Variants in HDAC5 observed in about 807,000 individuals in gnomAD.
HDAC5 encodes histone deacetylase 5, also known as antigen NY-CO-9.
In HDAC5, 25 loss-of-function variants were observed where a neutral mutation model predicts 133.3. That is an observed-to-expected ratio of 0.19 (90% confidence interval 0.14 to 0.26). The LOEUF is 0.26. HDAC5 is among the 10% of genes least tolerant of loss of function. The pLI is 1.00. For synonymous variants in HDAC5, 589 were observed against 610.8 expected (o/e 0.96, Z 0.53); for missense variants, 1,041 against 1,460.5 (o/e 0.71, Z 4.68).
At chr17:44,107,331 G>A (rs1214705482) in intron 3 of HDAC5, among the ~76,000 whole-genome samples, 2 of 152,198 alleles carry the variant, frequency 1.3e-5, no homozygotes, top group East Asian at 3.9e-4. Context: ...GGCAAGGGCC[G>A]GGCGTGGTGG....
chr17:44,105,722 C>T (rs1044725067), intron 3 of HDAC5, among the ~76,000 whole-genome samples: 2 of 152,202 alleles, frequency 1.3e-5, no homozygotes, highest in East Asian at 1.9e-4. Context: ...GAGTTGGATT[C>T]ACCTCTTTCT....
chr17:44,120,806 T>C (rs2052944695), intron 1 of HDAC5, among the ~76,000 whole-genome samples: 1 of 150,864 alleles, frequency 6.6e-6, no homozygotes, highest in Admixed American at 6.6e-5. Flanking sequence ...TAGGAATTTA[T>C]CTTGACCCCT....
At chr17:44,088,970 C>T (rs1597956118) in intron 11 of HDAC5, among the ~76,000 whole-genome samples, 4 of 152,116 alleles carry the variant, frequency 2.6e-5, no homozygotes, top group South Asian at 4.2e-4. Context: ...CCGTGGATCC[C>T]GCCAGGCTAG....
chr17:44,091,943 C>A, intron 9 of HDAC5, 112 bp from the exon 10 acceptor site: 1 of 1,287,710 alleles, frequency 7.8e-7, no homozygotes, highest in East Asian at 2.4e-5. Flanking sequence ...TTCCCTCTAC[C>A]CTGAGCTCCC....
intron 14 of HDAC5, 43 bp from the exon 15 acceptor site, chr17:44,085,198 C>T (rs1365062509): frequency 8.6e-6 from 13 of 1,515,190 alleles, no homozygotes; most frequent in Non-Finnish European, 1.2e-5. Context: ...GCTCTGGGCC[C>T]AGGATCCCAG....
intron 13 of HDAC5, 140 bp from the exon 14 acceptor site, chr17:44,086,877 C>A (rs1172266684): frequency 2.0e-6 from 1 of 507,568 alleles, no homozygotes; most frequent in Non-Finnish European, 3.1e-6. Flanking sequence ...CCCACTTGCT[C>A]CCTCCAGGGA....
At chr17:44,078,711 C>A in intron 25 of HDAC5, 46 bp from the exon 26 acceptor site, 1 of 1,607,904 alleles carries the variant, frequency 6.2e-7, no homozygotes, top group Non-Finnish European at 8.5e-7. Context: ...CAGAGGACAC[C>A]CACATGAACA....
At chr17:44,121,816 G>A (rs868688645) in intron 1 of HDAC5, among the ~76,000 whole-genome samples, 1 of 152,096 alleles carries the variant, frequency 6.6e-6, no homozygotes, top group African/African-American at 2.4e-5. Flanking sequence ...GAAAAGAAGG[G>A]GAGGCTGGCA....
rs761699565 is a variant in HDAC5 at position 44,077,212 on chromosome 17, C to T, written c.*1164G>A. On this transcript the variant is annotated 3_prime_UTR_variant, in exon 27 of 27. Coordinates refer to ENST00000682912, the MANE Select transcript of HDAC5 (RefSeq NM_005474.5). ...TTTCCTACAGGCTGGATGGCATCCC[C>T]TGGAAGCCTTGTAGGCCCACAGCCC... The T allele has an allele frequency of 6.5e-6, 1 of 152,730 alleles. No individual in the cohort carries two copies. Among genetic ancestry groups the T allele is most frequent in the African/African-American group, 2.4e-5 (1 of 41,418 alleles). The allele number at this position is 152,730 out of a possible 1,614,324, so 9.5% of individuals were successfully genotyped here.
chr17:44,090,628 GCCTCCAAAGT>G (rs1332808813), intron 11 of HDAC5, among the ~76,000 whole-genome samples: 3 of 151,732 alleles, frequency 2.0e-5, no homozygotes, highest in Non-Finnish European at 2.9e-5. Flanking sequence ...ACCTGCCTTG[GCCTCCAAAGT>G]GCCGGGCTCA....
chr17:44,088,311 A>C, intron 12 of HDAC5, 76 bp downstream of exon 12: 2 of 1,499,056 alleles, frequency 1.3e-6, no homozygotes, highest in Non-Finnish European at 1.8e-6. Context: ...TGAAAGGAGG[A>C]CTTTTCTGCC....
chr17:44,088,579 G>T lies in HDAC5; in HGVS notation c.1407C>A (p.Ser469=), dbSNP rs1259968461. Residue 469 remains serine (S), a synonymous_variant, in exon 12 of 27, where the codon TCC becomes TCA. Transcript: ENST00000682912. The part of the protein sequence containing the change: ...TLIAVPLHGQ[S]PLVTGERVAT... ...CCACACGTTCACCCGTCACTAGTGG[G>T]GACTGCCCGTGGAGTGGCACTACGG... is the stretch of plus-strand genomic sequence containing the variant. The T allele has an allele frequency of 2.5e-6, 4 of 1,613,214 alleles. No homozygotes were observed. Among genetic ancestry groups the T allele is most frequent in the Non-Finnish European group, 3.4e-6 (4 of 1,179,800 alleles).
At position 44,117,468 on chromosome 17, in the gene HDAC5, C is replaced by G. The variant is rs2052718392; in HGVS notation, c.22+26G>C. ...TTGCATCCGAAGCTACCCCAGGGTG[C>G]TCTTCTCCAACCTCCCAGCTCTTAC... On this transcript the variant is annotated intron_variant, in intron 2 of 26. Transcript: ENST00000682912. The surrounding 1 kb of genome is among the most constrained non-coding windows in gnomAD (Gnocchi z 4.2). 1 of 1,613,896 alleles carries G rather than the reference C, an allele frequency of 6.2e-7. No homozygotes were observed. The highest frequency in any genetic ancestry group is 1.7e-5 in the Admixed American group (1 of 60,002).
Position 44,087,523 on chromosome 17 carries a change from C to CTCG in HDAC5, c.1770_1772dup (p.Asp590dup). On this transcript the variant is annotated inframe_insertion, in exon 13 of 27. Coordinates refer to ENST00000682912, the MANE Select transcript of HDAC5 (RefSeq NM_005474.5). Reference sequence around the variant, plus strand: ...CCTCCTCCTCCTCCCCATCGTCTTCCTCGTCCTCCTCCTCCAGGTCTTCCT... The same window carrying CTCG: ...CCTCCTCCTCCTCCCCATCGTCTTCCTCGTCGTCCTCCTCCTCCAGGTCTTCCT... 1 of 1,612,824 alleles carries CTCG rather than the reference C, an allele frequency of 6.2e-7. No individual in the cohort carries two copies. The highest frequency in any genetic ancestry group is 8.5e-7 in the Non-Finnish European group (1 of 1,178,832).
intron 3 of HDAC5, among the ~76,000 whole-genome samples, chr17:44,103,986 G>A (rs2051779047): frequency 6.6e-6 from 1 of 151,790 alleles, no homozygotes; most frequent in African/African-American, 2.4e-5. Flanking sequence ...GGAATTATAC[G>A]CGTGAGCCAC....
rs2052748007 is a variant in HDAC5, at chr17:44,117,921, T to C, written c.-189-217A>G. On this transcript the variant is annotated intron_variant, in intron 1 of 26. Transcript: ENST00000682912. The surrounding 1 kb of genome is among the most constrained non-coding windows in gnomAD (Gnocchi z 4.2). ...GAGCCCAAGGGATAGGAAATGGCTA[T>C]GGTGGCCAAACCCAACAGACCCCTT... Among the ~76,000 whole-genome samples the C allele has an allele frequency of 6.6e-6, 1 of 152,184 alleles. No homozygotes were observed.
intron 2 of HDAC5, among the ~76,000 whole-genome samples, chr17:44,114,375 G>C (rs1400686627): frequency 6.6e-6 from 1 of 152,176 alleles, no homozygotes; most frequent in African/African-American, 2.4e-5. Flanking sequence ...GCAGGACACC[G>C]AGGTTCCTGG....
At position 44,078,517 on chromosome 17, in the gene HDAC5, G is replaced by A. The variant is rs1482759829; in HGVS notation, c.3312C>T (p.Ala1104=). 17 of 1,610,212 alleles carry A rather than the reference G, an allele frequency of 1.1e-5. No homozygotes were observed. The highest frequency in any genetic ancestry group is 1.2e-5 in the Non-Finnish European group (14 of 1,178,422). Residue 1104 remains alanine (A), a synonymous_variant, in exon 26 of 27, where the codon GCC becomes GCT. Transcript: ENST00000682912. Reference sequence around the variant, plus strand: ...CTGCTTACCTGGGGCTGTGTTCCCGGGCTGCCGCAGCCTGGGCCTGCTCGG... The same window carrying A: ...CTGCTTACCTGGGGCTGTGTTCCCGAGCTGCCGCAGCCTGGGCCTGCTCGG... ...VGAEQAQAAA[A]REHSPRPAEE...
rs575454875 is a variant in HDAC5, at chr17:44,078,820, C to T, written c.3138G>A (p.Thr1046=). Residue 1046 remains threonine, a synonymous_variant, in exon 25 of 27, where the codon ACG becomes ACA. Transcript: ENST00000682912. ...TCTGGATCTCGATGACTTTCTCTAG[C>T]GTGGCCACTGCGTTGATGTTGGGCT... is the stretch of plus-strand genomic sequence containing the variant. The part of the protein sequence containing the change: ...QQKPNINAVA[T]LEKVIEIQSK... The T allele has an allele frequency of 1.8e-5, 29 of 1,614,184 alleles. No individual in the cohort carries two copies. The East Asian group carries it at 5.3e-4, about 30-fold the overall frequency.
Sources: allele counts gnomAD v4.1 joint callset (sites outside exome capture counted in the v4.1 genomes callset), GRCh38; gene constraint gnomAD v4.1.1; non-coding constraint Gnocchi (gnomAD v3.1); transcripts MANE v1.5; gene names NCBI Gene and HGNC (gene_info 2026-07-23, HGNC 2026-07-21).